TOX2: variants seen among roughly 807,000 people sequenced by gnomAD.
The protein encoded by TOX2 is granulosa cell HMG box 1.
In TOX2, 15 loss-of-function variants were observed where a neutral mutation model predicts 47.4. That is an observed-to-expected ratio of 0.32 (90% CI 0.21 to 0.49). TOX2 has a LOEUF of 0.49. Among genes scored for constraint, TOX2 ranks in the 20% least tolerant of loss-of-function variants. The pLI is 0.99. For missense variants in TOX2, 622 were observed against 673.1 expected (o/e 0.92, Z 0.84); for synonymous variants, 290 against 296.6 (o/e 0.98, Z 0.23).
At chr20:43,924,837 C>T (rs549350545) in intron 1 of TOX2, among the ~76,000 whole-genome samples, 5 of 152,244 alleles carry the variant, frequency 3.3e-5, no homozygotes, top group Admixed American at 3.3e-4. Context: ...AGGAAAGACA[C>T]AAGTGAAGTC....
In TOX2 at chr20:44,046,352, CT is replaced by C. The variant is rs549209823; in HGVS notation, c.412-4953del. Among the ~76,000 whole-genome samples, 42 of 152,304 alleles carry C rather than the reference CT, an allele frequency of 2.8e-4. 1 individual carries two copies. The South Asian group carries it at 8.3e-3, about 30-fold the overall frequency. Reference sequence around the variant, plus strand: ...AATCTGTTTAAATTTTAGAGAGAAACTGCTGGAAACACAATAGGAATGGCAG... The same window carrying C: ...AATCTGTTTAAATTTTAGAGAGAAACGCTGGAAACACAATAGGAATGGCAG... On this transcript the variant is annotated intron_variant, in intron 3 of 8. Transcript: ENST00000341197.
chr20:43,925,430 C>G (rs2069154744), intron 1 of TOX2, among the ~76,000 whole-genome samples: 1 of 152,128 alleles, frequency 6.6e-6, no homozygotes, highest in Non-Finnish European at 1.5e-5. Flanking sequence ...CTCTTTGTCC[C>G]TCGGGTAGGC....
chr20:43,989,485 C>T (rs2070330611), intron 2 of TOX2, among the ~76,000 whole-genome samples: 1 of 151,846 alleles, frequency 6.6e-6, no homozygotes, highest in Admixed American at 6.6e-5. Context: ...ATTTTAAAAA[C>T]AGCATATATT....
chr20:43,996,038 G>A (rs1204158576), intron 2 of TOX2, among the ~76,000 whole-genome samples: 1 of 152,182 alleles, frequency 6.6e-6, no homozygotes, highest in Admixed American at 6.5e-5. Flanking sequence ...CCAGTAATGG[G>A]ATTGCTGGGT....
intron 1 of TOX2, among the ~76,000 whole-genome samples, chr20:43,926,084 C>T (rs1038444553): frequency 2.0e-5 from 3 of 152,146 alleles, no homozygotes; most frequent in East Asian, 1.9e-4. Flanking sequence ...AGAAACTTGT[C>T]GGAAATGAAT....
At chr20:43,973,034 A>G (rs1282180983) in intron 1 of TOX2, among the ~76,000 whole-genome samples, 2 of 152,254 alleles carry the variant, frequency 1.3e-5, no homozygotes, top group Non-Finnish European at 2.9e-5. Flanking sequence ...AGGTGTTTGC[A>G]TACTTCCAAG....
chr20:43,983,154 C>A (rs925670094), intron 2 of TOX2, among the ~76,000 whole-genome samples: 1 of 151,980 alleles, frequency 6.6e-6, no homozygotes, highest in Non-Finnish European at 1.5e-5. Context: ...CTGTAGCATC[C>A]CTTCCCGATG....
intron 1 of TOX2, among the ~76,000 whole-genome samples, chr20:43,922,872 TCCTGGA>T (rs1372937028): frequency 4.6e-5 from 7 of 152,244 alleles, no homozygotes; most frequent in African/African-American, 1.7e-4. Flanking sequence ...TTCAGCCCTG[TCCTGGA>T]GGCTCAGTAA....
intron 1 of TOX2, among the ~76,000 whole-genome samples, chr20:43,950,316 G>A (rs1334291774): frequency 6.6e-6 from 1 of 152,196 alleles, no homozygotes; most frequent in South Asian, 2.1e-4. Context: ...GAGGTTCCTC[G>A]GATGTGCTGA....
At chr20:43,975,639 A>G (rs563014110) in intron 2 of TOX2, among the ~76,000 whole-genome samples, 1 of 152,218 alleles carries the variant, frequency 6.6e-6, no homozygotes, top group East Asian at 1.9e-4. Context: ...TGACTGCCAA[A>G]CCCACGTTAG....
rs1569123038 is a variant in TOX2 at position 44,038,990 on chromosome 20, G to C, written c.412-12316G>C. 33 of 1,197,954 alleles carry C rather than the reference G, an allele frequency of 2.8e-5. No individual in the cohort carries two copies. The South Asian group carries it at 3.8e-4, about 14-fold the overall frequency. 74.2% of individuals were successfully genotyped at this position (1,197,954 alleles called of 1,614,324 possible). ...TGGGGCGGGTGCAGATGTGGCTCGG[G>C]AGCGTGGCCATATGTTTCCAAGAGG... is the stretch of plus-strand genomic sequence containing the variant. On this transcript the variant is annotated intron_variant, in intron 3 of 8. Transcript: ENST00000341197.
At position 44,044,991 on chromosome 20, in the gene TOX2, G is replaced by A. The variant is rs116350903; in HGVS notation, c.412-6315G>A. Among the ~76,000 whole-genome samples the A allele has an allele frequency of 5.7e-3, 871 of 152,320 alleles. 11 individuals are homozygous for A. Among genetic ancestry groups the A allele is most frequent in the African/African-American group, 0.02 (831 of 41,554 alleles). The stretch of plus-strand genomic sequence containing the variant: ...CGTGGATGAACCTTGAGTACCTTAA[G>A]CTAAGTGAAATAAGTCAGTCACGAA... On this transcript the variant is annotated intron_variant, in intron 3 of 8. Transcript: ENST00000341197.
Position 44,069,219 on chromosome 20 carries a change from A to G in TOX2, c.*533A>G, listed in dbSNP as rs1004443772. 2.9e-5 allele frequency: 7 copies of G among 241,866 alleles called. No homozygotes were observed. Among genetic ancestry groups the G allele is most frequent in the Admixed American group, 5.1e-5 (1 of 19,458 alleles). 15.0% of individuals were successfully genotyped at this position (241,866 alleles called of 1,614,324 possible). On this transcript the variant is annotated 3_prime_UTR_variant, in exon 9 of 9. Coordinates refer to ENST00000341197, the MANE Select transcript of TOX2 (RefSeq NM_001098797.2). Reference sequence around the variant, plus strand: ...CATCTGTAAGACTATTTTGTGGGGGAAAAAAGTAGTTTCCTTTAAGGTAAA... The same window carrying G: ...CATCTGTAAGACTATTTTGTGGGGGGAAAAAGTAGTTTCCTTTAAGGTAAA...
chr20:44,043,027 G>A (rs2071358193), intron 3 of TOX2, among the ~76,000 whole-genome samples: 1 of 152,162 alleles, frequency 6.6e-6, no homozygotes, highest in South Asian at 2.1e-4. Flanking sequence ...AACTGGAGGA[G>A]GAACAGTTTT....
rs575238866 is a variant in TOX2 at position 43,946,032 on chromosome 20, G to A, written c.100-27335G>A. Reference sequence around the variant, plus strand: ...ACTGGTGCATTGCAGGTGTGTTTCCGCAGAAGGTAAGCAGCGGGTGCCCAC... The same window carrying A: ...ACTGGTGCATTGCAGGTGTGTTTCCACAGAAGGTAAGCAGCGGGTGCCCAC... On this transcript the variant is annotated intron_variant, in intron 1 of 8. Transcript: ENST00000341197. The A allele has an allele frequency of 4.8e-5, 77 of 1,613,810 alleles. 2 individuals carry two copies. The highest frequency in any genetic ancestry group is 4.5e-4 in the South Asian group (41 of 91,074).
At chr20:43,948,504 T>G (rs943114746) in intron 1 of TOX2, among the ~76,000 whole-genome samples, 2 of 152,218 alleles carry the variant, frequency 1.3e-5, no homozygotes, top group Non-Finnish European at 2.9e-5. Flanking sequence ...CCTGCTGCCT[T>G]GTGCATGAAC....
At chr20:43,957,302 T>G (rs1221527423) in intron 1 of TOX2, among the ~76,000 whole-genome samples, 1 of 152,238 alleles carries the variant, frequency 6.6e-6, no homozygotes, top group Non-Finnish European at 1.5e-5. Flanking sequence ...TTGTCCCCAT[T>G]CTGTTTATTA....
intron 5 of TOX2, among the ~76,000 whole-genome samples, chr20:44,063,637 A>C (rs74936858): frequency 0.054 from 8,218 of 152,264 alleles, 266 homozygotes; most frequent in African/African-American, 0.098. Flanking sequence ...TTTTACAAAA[A>C]AGATACTTGC....
chr20:43,992,045 A>G (rs1229688729), intron 2 of TOX2, among the ~76,000 whole-genome samples: 1 of 152,216 alleles, frequency 6.6e-6, no homozygotes. Context: ...CTGCACTTGC[A>G]AACAGGGTGG....
Sources: gnomAD v4.1 joint callset for allele counts (sites outside exome capture counted in the v4.1 genomes callset) on GRCh38, gnomAD v4.1.1 for gene constraint, MANE v1.5 for transcripts, NCBI Gene and HGNC (gene_info 2026-07-23, HGNC 2026-07-21) for gene names.